COL13A1: variants seen among roughly 807,000 people sequenced by gnomAD.
COL13A1 encodes collagen type XIII alpha 1 chain.
Under a neutral mutation model 130.9 loss-of-function variants are expected in COL13A1, and 89 were observed. That is an observed-to-expected ratio of 0.68 (90% CI 0.57 to 0.81). The LOEUF (loss-of-function observed/expected upper bound fraction) is 0.81. COL13A1 is among the 30% of genes least tolerant of loss of function. The pLI is 0.00. For missense variants in COL13A1, 879 were observed against 934.6 expected (o/e 0.94, Z 0.78); for synonymous variants, 402 against 341.6 (o/e 1.18, Z -1.95).
chr10:69,954,814 G>T (rs76494972), intron 39 of COL13A1: 3 of 152,198 alleles, frequency 2.0e-5, no homozygotes, highest in Admixed American at 6.5e-5. Flanking sequence ...TGGGAGAGAC[G>T]GAAAGGTCAA....
intron 1 of COL13A1, among the ~76,000 whole-genome samples, chr10:69,805,172 G>T (rs1381601509): frequency 6.6e-6 from 1 of 152,190 alleles, no homozygotes; most frequent in African/African-American, 2.4e-5. Flanking sequence ...GAGAAAGTTA[G>T]ATCTAAATAA....
chr10:69,948,724 G>A (rs879439784), intron 38 of COL13A1, among the ~76,000 whole-genome samples: 6 of 152,148 alleles, frequency 3.9e-5, no homozygotes, highest in Non-Finnish European at 7.3e-5. Context: ...GTTGGCTGGA[G>A]ACACTGAGCC....
In COL13A1 at chr10:69,802,415, C is replaced by A; in HGVS notation, c.-9C>A. 6.7e-7 allele frequency: 1 copy of A among 1,484,396 alleles called. No individual in the cohort carries two copies. Among genetic ancestry groups the A allele is most frequent in the South Asian group, 1.3e-5 (1 of 74,734 alleles). 92.0% of individuals were successfully genotyped at this position (1,484,396 alleles called of 1,614,324 possible). ...TTTATTTATTTATTGGTTCTCAAGA[C>A]GCGAGAGGATGGTAGCGGAGCGCAC... is the stretch of plus-strand genomic sequence containing the variant. On this transcript the variant is annotated 5_prime_UTR_variant, in exon 1 of 41. Transcript: ENST00000645393.
chr10:69,861,649 C>T (rs2133843935), intron 2 of COL13A1, among the ~76,000 whole-genome samples: 1 of 152,308 alleles, frequency 6.6e-6, no homozygotes, highest in Non-Finnish European at 1.5e-5. Flanking sequence ...CTGAGTCTCA[C>T]CTCCAGGTGG....
intron 1 of COL13A1, among the ~76,000 whole-genome samples, chr10:69,812,639 C>A (rs551085724): frequency 1.4e-4 from 21 of 152,224 alleles, no homozygotes; most frequent in Non-Finnish European, 2.5e-4. Context: ...TGGCCCCTCT[C>A]TGTCTTAGTT....
intron 1 of COL13A1, among the ~76,000 whole-genome samples, chr10:69,807,701 C>T (rs1282885820): frequency 2.0e-5 from 3 of 152,102 alleles, no homozygotes; most frequent in Non-Finnish European, 4.4e-5. Flanking sequence ...GCTGACTGGA[C>T]CTCAGTATAT....
intron 27 of COL13A1, among the ~76,000 whole-genome samples, chr10:69,928,571 G>A (rs932218776): frequency 2.0e-5 from 3 of 152,186 alleles, no homozygotes; most frequent in African/African-American, 7.2e-5. Flanking sequence ...GATGTACCAT[G>A]CATTCCCCTG....
intron 34 of COL13A1, among the ~76,000 whole-genome samples, chr10:69,940,327 G>A (rs1053540681): frequency 5.9e-5 from 9 of 152,342 alleles, no homozygotes; most frequent in African/African-American, 1.4e-4. Flanking sequence ...GGGAGCATAT[G>A]AATGGATCGA....
At chr10:69,806,091 G>A (rs894406794) in intron 1 of COL13A1, among the ~76,000 whole-genome samples, 22 of 152,216 alleles carry the variant, frequency 1.4e-4, no homozygotes, top group African/African-American at 4.8e-4. Flanking sequence ...GAGGCAGATC[G>A]GAGACTTCAC....
intron 17 of COL13A1, among the ~76,000 whole-genome samples, chr10:69,916,622 G>T (rs1244384608): frequency 6.6e-6 from 1 of 152,164 alleles, no homozygotes; most frequent in Non-Finnish European, 1.5e-5. Context: ...CATAAAGATA[G>T]GGCAGTGCCA....
chr10:69,923,983 T>G (rs1280562963), intron 24 of COL13A1, 128 bp downstream of exon 24: 2 of 1,290,458 alleles, frequency 1.5e-6, no homozygotes, highest in Admixed American at 4.5e-5. Flanking sequence ...CTGGCTTCCC[T>G]AATTCCTGGT....
At chr10:69,843,947 A>C (rs961030161) in intron 2 of COL13A1, among the ~76,000 whole-genome samples, 1 of 152,246 alleles carries the variant, frequency 6.6e-6, no homozygotes, top group South Asian at 2.1e-4. Context: ...TGCTGTGGGC[A>C]GGTGCCGTGG....
At position 69,876,300 on chromosome 10, in the gene COL13A1, A is replaced by T. The variant is rs528353268; in HGVS notation, c.435+1137A>T. Among the ~76,000 whole-genome samples, 339 of 152,266 alleles carry T rather than the reference A, an allele frequency of 2.2e-3. 3 individuals carry two copies. Among genetic ancestry groups the T allele is most frequent in the African/African-American group, 7.9e-3 (329 of 41,558 alleles). On this transcript the variant is annotated intron_variant, in intron 5 of 40. Transcript: ENST00000645393. ...ATCTGAACTCAGACAGCCCAACTCC[A>T]AACCTGCGCTCTTGATCCTGACAAT...
chr10:69,922,668 C>T (rs1338793924), intron 22 of COL13A1, 40 bp from the exon 23 acceptor site: 7 of 1,524,974 alleles, frequency 4.6e-6, no homozygotes, highest in African/African-American at 1.4e-5. Context: ...CCTAGACCTT[C>T]CTCCACACCA....
chr10:69,876,676 C>T (rs143583126), intron 5 of COL13A1, among the ~76,000 whole-genome samples: 2 of 152,364 alleles, frequency 1.3e-5, no homozygotes, highest in East Asian at 3.9e-4. Context: ...TTCAACCATC[C>T]TTTCCCAAGG....
chr10:69,830,512 T>A (rs1433205363), intron 2 of COL13A1, among the ~76,000 whole-genome samples: 2 of 152,164 alleles, frequency 1.3e-5, no homozygotes, highest in Non-Finnish European at 2.9e-5. Flanking sequence ...TATAAGTCAT[T>A]TATCTAAAGT....
rs1853448019 is a variant in COL13A1, at chr10:69,847,390, T to C, written c.365-20408T>C. 2.6e-5 allele frequency among the ~76,000 whole-genome samples: 4 copies of C among 152,204 alleles called. No homozygotes were observed. In the South Asian group the frequency reaches 8.3e-4, roughly 32 times the overall value. ...CACAGGTACACAAATTAGATAAAAG[T>C]GACCTACTGCAATCTATTAAATGAG... On this transcript the variant is annotated intron_variant, in intron 2 of 40. Transcript: ENST00000645393.
Position 69,924,898 on chromosome 10 carries a change from C to T in COL13A1, c.1285-65C>T, listed in dbSNP as rs1250536457. Reference sequence around the variant, plus strand: ...TCCTGGCCCTTATCACATGGCCCATCTAGGGACATCAGGCTCTCTGTACCA... The same window carrying T: ...TCCTGGCCCTTATCACATGGCCCATTTAGGGACATCAGGCTCTCTGTACCA... On this transcript the variant is annotated intron_variant, in intron 24 of 40. Transcript: ENST00000645393. 8 of 1,480,132 alleles carry T rather than the reference C, an allele frequency of 5.4e-6. No individual in the cohort carries two copies. In the African/African-American group the frequency reaches 7.1e-5, roughly 13 times the overall value. 91.7% of individuals were successfully genotyped at this position (1,480,132 alleles called of 1,614,324 possible).
At chr10:69,849,947 C>T (rs1046597010) in intron 2 of COL13A1, among the ~76,000 whole-genome samples, 5 of 152,148 alleles carry the variant, frequency 3.3e-5, no homozygotes, top group African/African-American at 1.2e-4. Flanking sequence ...ATCCTGGGCT[C>T]CTCTTAATGA....
Sources: allele counts gnomAD v4.1 joint callset (sites outside exome capture counted in the v4.1 genomes callset), GRCh38; gene constraint gnomAD v4.1.1; transcripts MANE v1.5; gene names NCBI Gene and HGNC (gene_info 2026-07-23, HGNC 2026-07-21).